DAPK1: variants seen among roughly 807,000 people sequenced by gnomAD.
The protein encoded by DAPK1 is death-associated protein kinase 1.
DAPK1 carries 56 observed loss-of-function variants against 144.9 expected under a neutral mutation model. That is an observed-to-expected ratio of 0.39 (90% CI 0.31 to 0.48). The LOEUF (loss-of-function observed/expected upper bound fraction) is 0.48, where lower values mean the gene tolerates loss of function less well. DAPK1 is among the 20% of genes least tolerant of loss of function. The pLI, the probability that DAPK1 is intolerant of heterozygous loss-of-function variation, is 0.95. For missense variants in DAPK1, 1,454 were observed against 1,875.4 expected, an observed-to-expected ratio of 0.78 and a Z score of 4.15; for synonymous variants, 690 against 749.0, an observed-to-expected ratio of 0.92 and a Z score of 1.29.
At position 87,497,878 on chromosome 9, in the gene DAPK1, TGA is replaced by T; in HGVS notation, c.-336_-335del. 2.5e-6 allele frequency: 1 copy of T among 392,322 alleles called. No individual in the cohort carries two copies. The highest frequency in any genetic ancestry group is 4.5e-6 in the Non-Finnish European group (1 of 222,604). The allele number at this position is 392,322 out of a possible 1,614,324, so 24.3% of individuals were successfully genotyped here. ...GGAGCCGAGAGGCTGCTTCGGAGTG[TGA>T]GGAGGACAGCCGGACCGAGCCAACG... On this transcript the variant is annotated 5_prime_UTR_variant, in exon 1 of 26. Coordinates refer to ENST00000408954, the MANE Select transcript of DAPK1 (RefSeq NM_004938.4).
At chr9:87,557,070 C>T (rs769326565) in intron 2 of DAPK1, among the ~76,000 whole-genome samples, 1 of 152,178 alleles carries the variant, frequency 6.6e-6, no homozygotes, top group Non-Finnish European at 1.5e-5. Context: ...TGGCCCTTCC[C>T]CTCACCCTTC....
intron 2 of DAPK1, among the ~76,000 whole-genome samples, chr9:87,539,155 G>A (rs1365936220): frequency 2.0e-5 from 3 of 151,000 alleles, no homozygotes; most frequent in Non-Finnish European, 4.4e-5. Context: ...TCTTATATAC[G>A]TAGACTTTAT....
At chr9:87,556,084 G>A (rs954974431) in intron 2 of DAPK1, among the ~76,000 whole-genome samples, 2 of 152,098 alleles carry the variant, frequency 1.3e-5, no homozygotes. Flanking sequence ...ATGAAGAACT[G>A]TTTTTTTGTA....
At chr9:87,574,670 A>C (rs1827477160) in intron 2 of DAPK1, among the ~76,000 whole-genome samples, 1 of 152,232 alleles carries the variant, frequency 6.6e-6, no homozygotes, top group Non-Finnish European at 1.5e-5. Context: ...CTGTAATCCC[A>C]GCATTTTGGG....
intron 2 of DAPK1, among the ~76,000 whole-genome samples, chr9:87,599,228 A>G (rs1376201701): frequency 2.6e-5 from 4 of 152,230 alleles, no homozygotes; most frequent in Non-Finnish European, 4.4e-5. Context: ...TTACTCGCTC[A>G]GTGATTTGGG....
At chr9:87,685,174 A>C (rs1887792) in intron 20 of DAPK1, among the ~76,000 whole-genome samples, 2 of 152,250 alleles carry the variant, frequency 1.3e-5, no homozygotes, top group South Asian at 4.1e-4. Context: ...CTATCTGCCA[A>C]CTTTCCTACA....
At chr9:87,511,402 C>T (rs2118113980) in intron 2 of DAPK1, among the ~76,000 whole-genome samples, 1 of 152,226 alleles carries the variant, frequency 6.6e-6, no homozygotes, top group South Asian at 2.1e-4. Context: ...TTTTCAAAGT[C>T]CACAAGACAC....
At chr9:87,501,396 T>C (rs1011102783) in intron 2 of DAPK1, among the ~76,000 whole-genome samples, 1 of 152,224 alleles carries the variant, frequency 6.6e-6, no homozygotes, top group Non-Finnish European at 1.5e-5. Flanking sequence ...AAGACTTTAA[T>C]TGGCCAGGCG....
chr9:87,591,637 G>A (rs144359150), intron 2 of DAPK1, among the ~76,000 whole-genome samples: 138 of 152,312 alleles, frequency 9.1e-4, no homozygotes, highest in African/African-American at 3.2e-3. Context: ...TAATGCATTG[G>A]TGGGTCACTA....
intron 3 of DAPK1, among the ~76,000 whole-genome samples, chr9:87,620,524 G>A (rs2119037573): frequency 6.9e-6 from 1 of 144,200 alleles, no homozygotes; most frequent in South Asian, 2.4e-4. Flanking sequence ...AGGGCAGGGA[G>A]AATTAAGCCC....
intron 2 of DAPK1, among the ~76,000 whole-genome samples, chr9:87,533,635 C>T (rs1339879780): frequency 7.1e-6 from 1 of 141,554 alleles, no homozygotes; most frequent in Non-Finnish European, 1.5e-5. Context: ...TCTAATTGGT[C>T]CATGTGTGCA....
intron 2 of DAPK1, among the ~76,000 whole-genome samples, chr9:87,518,011 TG>T (rs1825126934): frequency 1.3e-5 from 2 of 152,106 alleles, no homozygotes; most frequent in South Asian, 4.2e-4. Flanking sequence ...GCACGGGTAG[TG>T]GGTTTCTGAA....
chr9:87,658,785 T>C (rs764000505), intron 18 of DAPK1, among the ~76,000 whole-genome samples: 2 of 152,222 alleles, frequency 1.3e-5, no homozygotes, highest in African/African-American at 2.4e-5. Flanking sequence ...AGTGAAATAA[T>C]ATCATTCGAG....
At chr9:87,696,168 G>GACAC (rs3031550) in intron 21 of DAPK1, among the ~76,000 whole-genome samples, 2,432 of 150,882 alleles carry the variant, frequency 0.016, 32 homozygotes, top group African/African-American at 0.03. Context: ...TATGTATACA[G>GACAC]ACACACACAC....
intron 2 of DAPK1, among the ~76,000 whole-genome samples, chr9:87,530,618 T>G (rs1825666286): frequency 6.6e-6 from 1 of 152,220 alleles, no homozygotes. Flanking sequence ...TCTTTCTGTT[T>G]GAAGAATATG....
chr9:87,620,436 A>G (rs1193324932), intron 3 of DAPK1, among the ~76,000 whole-genome samples: 1 of 152,190 alleles, frequency 6.6e-6, no homozygotes, highest in African/African-American at 2.4e-5. Flanking sequence ...GCTAAAGAAC[A>G]GGCAGCACAT....
chr9:87,538,819 AT>A (rs550301859), intron 2 of DAPK1, among the ~76,000 whole-genome samples: 419 of 152,070 alleles, frequency 2.8e-3, no homozygotes, highest in African/African-American at 9.6e-3. Context: ...TTTATAAACT[AT>A]TGGCTTTTAA....
rs1480553580 is a variant in DAPK1 at position 87,642,074 on chromosome 9, G to A, written c.918+16G>A. On this transcript the variant is annotated intron_variant, in intron 10 of 25. Coordinates refer to ENST00000408954, the MANE Select transcript of DAPK1 (RefSeq NM_004938.4). Reference sequence around the variant, plus strand: ...AAAATGGAAAGTAAGATTGTTTGTTGTGGAGGGATTAACAAATTCTGTTTC... The same window carrying A: ...AAAATGGAAAGTAAGATTGTTTGTTATGGAGGGATTAACAAATTCTGTTTC... The A allele has an allele frequency of 6.2e-7, 1 of 1,608,554 alleles. No homozygotes were observed. Among genetic ancestry groups the A allele is most frequent in the South Asian group, 1.1e-5 (1 of 90,850 alleles).
intron 25 of DAPK1, among the ~76,000 whole-genome samples, chr9:87,703,586 A>C: frequency 6.6e-6 from 1 of 152,108 alleles, no homozygotes; most frequent in East Asian, 1.9e-4. Flanking sequence ...ATCAGCGTGG[A>C]GTCATCAGCT....
Sources: gnomAD v4.1 joint callset for allele counts (sites outside exome capture counted in the v4.1 genomes callset) on GRCh38, gnomAD v4.1.1 for gene constraint, MANE v1.5 for transcripts, NCBI Gene and HGNC (gene_info 2026-07-23, HGNC 2026-07-21) for gene names.